Variants in RGS6 observed in about 807,000 individuals in gnomAD.
The protein encoded by RGS6 is regulator of G-protein signaling 6.
A neutral mutation model predicts 78.5 loss-of-function variants in RGS6; 30 were observed. The observed-to-expected ratio is 0.38, with a 90% CI of 0.29 to 0.52. RGS6 has a LOEUF of 0.52. RGS6 is among the 20% of genes least tolerant of loss of function. The pLI, the probability that RGS6 is intolerant of heterozygous loss-of-function variation, is 0.85. For synonymous variants in RGS6, 206 were observed against 206.0 expected (o/e 1.00, Z 0.00); for missense variants, 495 against 609.7 (o/e 0.81, Z 1.98).
At chr14:72,270,493 C>T (rs10149636) in intron 2 of RGS6, among the ~76,000 whole-genome samples, 5,664 of 152,294 alleles carry the variant, frequency 0.037, 182 homozygotes, top group Middle Eastern at 0.13. Context: ...AACATGCAGC[C>T]AGACACACAC....
At chr14:72,347,043 G>C (rs2078194593) in intron 2 of RGS6, among the ~76,000 whole-genome samples, 1 of 152,206 alleles carries the variant, frequency 6.6e-6, no homozygotes, top group South Asian at 2.1e-4. Context: ...GGCAGAACCA[G>C]CCTAGCTGGC....
At chr14:72,397,964 C>T (rs917373472) in intron 3 of RGS6, among the ~76,000 whole-genome samples, 7 of 151,942 alleles carry the variant, frequency 4.6e-5, no homozygotes, top group South Asian at 2.1e-4. Context: ...AGTATTTTAC[C>T]GAGAATTTTT....
chr14:72,047,921 T>C (rs918556408), intron 2 of RGS6, among the ~76,000 whole-genome samples: 2 of 137,150 alleles, frequency 1.5e-5, no homozygotes, highest in East Asian at 2.1e-4. Flanking sequence ...TTTTTTTTTT[T>C]AGTAGAGACA....
At chr14:72,474,454 G>C (rs1024080284) in intron 9 of RGS6, among the ~76,000 whole-genome samples, 171 bp from the exon 10 acceptor site, 5 of 151,990 alleles carry the variant, frequency 3.3e-5, no homozygotes, top group African/African-American at 1.2e-4. Context: ...AGCTTTTCTA[G>C]ATCGTATGGG....
chr14:72,229,810 C>T (rs1187385798), intron 2 of RGS6, among the ~76,000 whole-genome samples: 1 of 152,170 alleles, frequency 6.6e-6, no homozygotes, highest in Non-Finnish European at 1.5e-5. Flanking sequence ...GATTTGTTGA[C>T]CTCATGCTCT....
the RGS6 span, among the ~76,000 whole-genome samples, chr14:72,590,084 T>C: frequency 6.4e-4 from 97 of 152,246 alleles, 1 homozygote; most frequent in Middle Eastern, 6.8e-3. Context: ...ATTAAACCAA[T>C]GGGATCCCAC....
At chr14:72,335,434 C>T (rs948230769) in intron 2 of RGS6, among the ~76,000 whole-genome samples, 4 of 152,216 alleles carry the variant, frequency 2.6e-5, no homozygotes, top group South Asian at 4.1e-4. Context: ...AATAGACTAC[C>T]AAGTCCCCTT....
chr14:72,330,430 G>A (rs1160970957), intron 2 of RGS6, among the ~76,000 whole-genome samples: 4 of 152,168 alleles, frequency 2.6e-5, no homozygotes, highest in African/African-American at 4.8e-5. Context: ...AGAAGTTCTC[G>A]AGAACCAGCA....
At chr14:71,958,190 G>A (rs1281666636) in intron 1 of RGS6, among the ~76,000 whole-genome samples, 1 of 152,150 alleles carries the variant, frequency 6.6e-6, no homozygotes, top group Non-Finnish European at 1.5e-5. Context: ...CAGATTAGTT[G>A]AGGACCTACT....
chr14:72,578,296 CT>C, the RGS6 span, among the ~76,000 whole-genome samples: 2 of 152,194 alleles, frequency 1.3e-5, no homozygotes, highest in Admixed American at 1.3e-4. Context: ...ATGGCACCCC[CT>C]GGGTCCCACC....
intron 2 of RGS6, among the ~76,000 whole-genome samples, chr14:72,341,825 C>T (rs1455839006): frequency 6.6e-6 from 1 of 152,054 alleles, no homozygotes; most frequent in Non-Finnish European, 1.5e-5. Context: ...TTCAAGGAAG[C>T]GTCAGAAAGG....
intron 2 of RGS6, among the ~76,000 whole-genome samples, chr14:72,342,715 G>A (rs1389513076): frequency 7.8e-6 from 1 of 128,992 alleles, no homozygotes; most frequent in Non-Finnish European, 1.6e-5. Context: ...GTGCAACAGA[G>A]GCTTTGTCTC....
chr14:72,263,577 G>C (rs553647063), intron 2 of RGS6, among the ~76,000 whole-genome samples: 1 of 152,170 alleles, frequency 6.6e-6, no homozygotes, highest in East Asian at 1.9e-4. Context: ...TTAGAAAGTA[G>C]GTCTTTTGGG....
chr14:72,057,430 G>A (rs896544074), intron 2 of RGS6, among the ~76,000 whole-genome samples: 7 of 151,922 alleles, frequency 4.6e-5, no homozygotes, highest in African/African-American at 1.7e-4. Context: ...TACAAGAAGG[G>A]TGTCATGGGA....
At chr14:72,276,744 A>G (rs2060730230) in intron 2 of RGS6, among the ~76,000 whole-genome samples, 2 of 152,150 alleles carry the variant, frequency 1.3e-5, no homozygotes, top group East Asian at 1.9e-4. Context: ...CTCTTCCACC[A>G]TGATTGTCAG....
At chr14:72,204,527 G>T (rs1349226288) in intron 2 of RGS6, among the ~76,000 whole-genome samples, 1 of 152,158 alleles carries the variant, frequency 6.6e-6, no homozygotes, top group East Asian at 1.9e-4. Context: ...CATAAACTGG[G>T]TGGCTTATGG....
chr14:72,022,473 T>A, intron 2 of RGS6: 1 of 152,248 alleles, frequency 6.6e-6, no homozygotes, highest in Admixed American at 6.5e-5. Context: ...GATCTGTAAC[T>A]GACTGAACAA....
At chr14:72,349,604 G>C (rs868215020) in intron 2 of RGS6, among the ~76,000 whole-genome samples, 1 of 152,178 alleles carries the variant, frequency 6.6e-6, no homozygotes, top group Non-Finnish European at 1.5e-5. Flanking sequence ...TCTGTTAGTT[G>C]AGGGGATTGT....
intron 2 of RGS6, among the ~76,000 whole-genome samples, chr14:72,280,629 CT>C (rs2061415306): frequency 6.6e-6 from 1 of 152,224 alleles, no homozygotes; most frequent in African/African-American, 2.4e-5. Flanking sequence ...AAACAATGTC[CT>C]CATTCTCGTG....
Sources: gnomAD v4.1 joint callset for allele counts (sites outside exome capture counted in the v4.1 genomes callset) on GRCh38, gnomAD v4.1.1 for gene constraint, MANE v1.5 for transcripts, NCBI Gene and HGNC (gene_info 2026-07-23, HGNC 2026-07-21) for gene names.